TRIM45: variants seen among roughly 807,000 people sequenced by gnomAD.
TRIM45 encodes the protein E3 ubiquitin-protein ligase TRIM45.
A neutral mutation model predicts 46.7 loss-of-function variants in TRIM45; 45 were observed. The observed-to-expected ratio is 0.96, with a 90% CI of 0.76 to 1.24. TRIM45 has a LOEUF of 1.24. Among genes scored for constraint, TRIM45 ranks in the 50% most tolerant of loss-of-function variants. TRIM45 has a pLI of 0.00. For synonymous variants in TRIM45, 259 were observed against 285.8 expected (o/e 0.91, Z 0.94); for missense variants, 680 against 728.4 (o/e 0.93, Z 0.77).
upstream of TRIM45, chr1:117,121,769 A>G: frequency 1.4e-6 from 1 of 702,378 alleles, no homozygotes; most frequent in South Asian, 1.5e-5. The surrounding 1 kb of genome is among the most constrained non-coding windows in gnomAD (Gnocchi z 4.2). Context: ...CACCAATCCC[A>G]GCCCGGTCTA....
Position 117,118,355 on chromosome 1 carries a change from C to A in TRIM45, c.901G>T (p.Asp301Tyr), listed in dbSNP as rs1302722419. 2 of 1,614,216 alleles carry A rather than the reference C, an allele frequency of 1.2e-6. No individual in the cohort carries two copies. The highest frequency in any genetic ancestry group is 8.5e-7 in the Non-Finnish European group (1 of 1,180,038). The change falls in exon 2 of 6, where the codon GAC becomes TAC. Residue 301 changes from aspartate to tyrosine, a missense_variant. Coordinates refer to ENST00000256649, the MANE Select transcript of TRIM45 (RefSeq NM_025188.4). The surrounding 1 kb of genome is among the most constrained non-coding windows in gnomAD (Gnocchi z 5.7). ...HRDKLLKQLE[D>Y]IRAQKENSLQ... Reference sequence around the variant, plus strand: ...GAATTTTCCTTCTGGGCCCGTATGTCTTCCAGCTGCTTCAGCAGCTTGTCC... The same window carrying A: ...GAATTTTCCTTCTGGGCCCGTATGTATTCCAGCTGCTTCAGCAGCTTGTCC...
At position 117,112,376 on chromosome 1, in the gene TRIM45, C is replaced by T; in HGVS notation, c.1672G>A (p.Glu558Lys). 2 of 1,614,144 alleles carry T rather than the reference C, an allele frequency of 1.2e-6. No individual in the cohort carries two copies. Among genetic ancestry groups the T allele is most frequent in the African/African-American group, 1.3e-5 (1 of 75,044 alleles). ...PHWSCCGKFN[E>K]KSECTWTGGQ... ...CCTGTCCATGTGCATTCAGATTTCTCATTAAATTTTCCACAGCATGACCAG... is the reference window on the plus strand; with the variant it reads ...CCTGTCCATGTGCATTCAGATTTCTTATTAAATTTTCCACAGCATGACCAG... The change falls in exon 6 of 6, where the codon GAG (glutamate) becomes AAG (lysine). Residue 558 changes from glutamate (E) to lysine (K), a missense_variant. By Grantham distance (56) the Glu-to-Lys change is moderately conservative. Transcript: ENST00000256649.
rs763829749 is a variant in TRIM45, at chr1:117,121,006, C to G, written c.196G>C (p.Gly66Arg). ...LEPFSVVDIR[G>R]GDSDTSSEGS... ...TCAGAGCTTGTGTCAGAGTCTCCCC[C>G]TCGGATGTCCACTACTGAGAAGGGC... is the stretch of plus-strand genomic sequence containing the variant. Residue 66 changes from glycine (G) to arginine (R), a missense_variant, in exon 1 of 6, where the codon GGG (glycine) becomes CGG (arginine). Gly to Arg is a moderately radical substitution (Grantham distance 125). Coordinates refer to ENST00000256649, the MANE Select transcript of TRIM45 (RefSeq NM_025188.4). This position sits in a 1 kb window ranked among gnomAD's most constrained non-coding sequence, Gnocchi z 4.2. The G allele has an allele frequency of 8.7e-6, 14 of 1,614,052 alleles. No homozygotes were observed. The highest frequency in any genetic ancestry group is 2.7e-5 in the African/African-American group (2 of 74,908).
rs1570910769 is a variant in TRIM45 at position 117,113,290 on chromosome 1, T to C, written c.1594+69A>G. 1.3e-6 allele frequency: 2 copies of C among 1,581,882 alleles called. No individual in the cohort carries two copies. Among genetic ancestry groups the C allele is most frequent in the South Asian group, 1.2e-5 (1 of 86,508 alleles). Reference sequence around the variant, plus strand: ...GTCCAAATGTCTAGTGGCTGTGTGGTAGGGAAGGGCCCGTCGCTTGATTCC... The same window carrying C: ...GTCCAAATGTCTAGTGGCTGTGTGGCAGGGAAGGGCCCGTCGCTTGATTCC... On this transcript the variant is annotated intron_variant, in intron 5 of 5. Coordinates refer to ENST00000256649, the MANE Select transcript of TRIM45 (RefSeq NM_025188.4). The surrounding 1 kb of genome is among the most constrained non-coding windows in gnomAD (Gnocchi z 4.0).
In TRIM45 at chr1:117,116,766, G is replaced by C; in HGVS notation, c.1223-21C>G. 1 of 1,613,694 alleles carries C rather than the reference G, an allele frequency of 6.2e-7. No individual in the cohort carries two copies. Among genetic ancestry groups the C allele is most frequent in the Non-Finnish European group, 8.5e-7 (1 of 1,179,742 alleles). On this transcript the variant is annotated intron_variant, in intron 2 of 5. Transcript: ENST00000256649. The surrounding 1 kb of genome is among the most constrained non-coding windows in gnomAD (Gnocchi z 4.6). ...GAGGTCTGAAAAAGATAAACACTCG[G>C]TCCTCACCTCGAATGTAAACTGCAG...
At chr1:117,123,044 A>G (rs1650721737), upstream of TRIM45, among the ~76,000 whole-genome samples, 1 of 30,384 alleles carries the variant, frequency 3.3e-5, no homozygotes, top group Admixed American at 5.8e-4. Context: ...AAAATATGAA[A>G]AAAAAAAAAA....
Position 117,121,251 on chromosome 1 carries a change from G to A in TRIM45, c.-50C>T. 1 of 1,500,396 alleles carries A rather than the reference G, an allele frequency of 6.7e-7. No individual in the cohort carries two copies. The highest frequency in any genetic ancestry group is 2.3e-5 in the Admixed American group (1 of 44,106). The allele number at this position is 1,500,396 out of a possible 1,614,324, so 92.9% of individuals were successfully genotyped here. ...TAGAAAGGGCCCTGGGCAGTTCTAC[G>A]ATTTAGTAGCAGGTGATTAAGCCCA... On this transcript the variant is annotated 5_prime_UTR_variant, in exon 1 of 6. Coordinates refer to ENST00000256649, the MANE Select transcript of TRIM45 (RefSeq NM_025188.4). The surrounding 1 kb of genome is among the most constrained non-coding windows in gnomAD (Gnocchi z 4.2).
Position 117,120,924 on chromosome 1 carries a change from A to C in TRIM45, c.278T>G (p.Leu93Arg). The change falls in exon 1 of 6, where the codon CTT becomes CGT. Residue 93 changes from leucine (L) to arginine (R), a missense_variant. Leu to Arg is a moderately radical substitution (Grantham distance 102). Coordinates refer to ENST00000256649, the MANE Select transcript of TRIM45 (RefSeq NM_025188.4). ...CACCTGAGCATCACATACAGGACAA[A>C]GGATGCCGATCTGCGACTGCAGACT... is the stretch of plus-strand genomic sequence containing the variant. The part of the protein sequence containing the change: ...PRSLQSQIGI[L>R]CPVCDAQVDL... 1 of 1,614,178 alleles carries C rather than the reference A, an allele frequency of 6.2e-7. No homozygotes were observed. Among genetic ancestry groups the C allele is most frequent in the Non-Finnish European group, 8.5e-7 (1 of 1,180,036 alleles).
Position 117,112,294 on chromosome 1 carries a change from G to C in TRIM45, c.*11C>G. 2.5e-6 allele frequency: 4 copies of C among 1,581,612 alleles called. No individual in the cohort carries two copies. The highest frequency in any genetic ancestry group is 3.4e-6 in the Non-Finnish European group (4 of 1,163,414). On this transcript the variant is annotated 3_prime_UTR_variant, in exon 6 of 6. Coordinates refer to ENST00000256649, the MANE Select transcript of TRIM45 (RefSeq NM_025188.4). ...GCTGCCTGCAGCTTTAAAAGGCTGA[G>C]CACAAACCCATCAGAGAGCCACAGT...
Position 117,118,481 on chromosome 1 carries a change from T to A in TRIM45, c.775A>T (p.Ile259Phe). The A allele has an allele frequency of 6.2e-7, 1 of 1,614,118 alleles. No homozygotes were observed. ...TGGAGGGCACTGTTTATTATGTGGA[T>A]CTGAGCCAGGGCTTCCTCCAGGGCC... Reference protein sequence around the residue: ...VEALEEALAQIHIINSALQKR... With the variant: ...VEALEEALAQFHIINSALQKR... Residue 259 changes from isoleucine to phenylalanine, a missense_variant, in exon 2 of 6, where the codon ATC (isoleucine) becomes TTC (phenylalanine). By Grantham distance (21) the Ile-to-Phe change is conservative. Around this residue, in one of 3 missense-constraint regions of TRIM45, gnomAD observed 349 missense variants for 343.6 expected, o/e 1.02. Coordinates refer to ENST00000256649, the MANE Select transcript of TRIM45 (RefSeq NM_025188.4). This position sits in a 1 kb window ranked among gnomAD's most constrained non-coding sequence, Gnocchi z 5.7.
chr1:117,121,872 G>C (rs991258796), upstream of TRIM45: 2 of 714,582 alleles, frequency 2.8e-6, no homozygotes, highest in Non-Finnish European at 5.2e-6. This position sits in a 1 kb window ranked among gnomAD's most constrained non-coding sequence, Gnocchi z 4.2. Flanking sequence ...CATCCAATAA[G>C]TTTTGGAAAT....
upstream of TRIM45, among the ~76,000 whole-genome samples, chr1:117,123,397 TGTG>T (rs770928514): frequency 6.6e-6 from 1 of 152,226 alleles, no homozygotes. Flanking sequence ...TCACATTTCT[TGTG>T]GTAGTAGTTT....
At position 117,112,226 on chromosome 1, in the gene TRIM45, T is replaced by C; in HGVS notation, c.*79A>G. 1 of 1,382,850 alleles carries C rather than the reference T, an allele frequency of 7.2e-7. No homozygotes were observed. Among genetic ancestry groups the C allele is most frequent in the African/African-American group, 1.5e-5 (1 of 68,204 alleles). 85.7% of individuals were successfully genotyped at this position (1,382,850 alleles called of 1,614,324 possible). On this transcript the variant is annotated 3_prime_UTR_variant, in exon 6 of 6. Transcript: ENST00000256649. ...TTGTTTTTAATTCTATCAGTCTCTT[T>C]AGAATGAACGAAGGTCTGGGTCCTC...
intron 1 of TRIM45, among the ~76,000 whole-genome samples, 154 bp downstream of exon 1, chr1:117,120,555 GTTGTA>G (rs1334936824): frequency 6.6e-6 from 1 of 152,210 alleles, no homozygotes; most frequent in Non-Finnish European, 1.5e-5. Context: ...CGGGTTAACT[GTTGTA>G]CTGGAGTATT....
chr1:117,123,086 T>C (rs1239197645), upstream of TRIM45, among the ~76,000 whole-genome samples: 1 of 151,942 alleles, frequency 6.6e-6, no homozygotes, highest in Non-Finnish European at 1.5e-5. Flanking sequence ...ATGAAATGTT[T>C]GGCCATTTCC....
chr1:117,119,780 T>C (rs76838034), intron 1 of TRIM45, among the ~76,000 whole-genome samples: 4,470 of 152,312 alleles, frequency 0.029, 109 homozygotes, highest in East Asian at 0.1. Context: ...GAAGCTTATA[T>C]GCCTATTCTG....
rs1650480153 is a variant in TRIM45 at position 117,118,278 on chromosome 1, A to G, written c.978T>C (p.Thr326=). 6.2e-7 allele frequency: 1 copy of G among 1,614,042 alleles called. No individual in the cohort carries two copies. The highest frequency in any genetic ancestry group is 1.3e-5 in the African/African-American group (1 of 74,920). The change falls in exon 2 of 6, where the codon ACT becomes ACC. Residue 326 remains threonine, a synonymous_variant. Coordinates refer to ENST00000256649, the MANE Select transcript of TRIM45 (RefSeq NM_025188.4). This position sits in a 1 kb window ranked among gnomAD's most constrained non-coding sequence, Gnocchi z 5.7. The part of the protein sequence containing the change: ...QLEQLLADMR[T]GVEFTEHLLT... The stretch of plus-strand genomic sequence containing the variant: ...GCAAGTGCTCGGTGAACTCCACTCC[A>G]GTCCGCATGTCTGCCAGTAACTGTT...
upstream of TRIM45, among the ~76,000 whole-genome samples, chr1:117,122,887 CT>C (rs528460407): frequency 1.4e-4 from 22 of 152,228 alleles, no homozygotes; most frequent in South Asian, 3.3e-3. Context: ...GCCCTCACTG[CT>C]TTCTTTGTTC....
In TRIM45 at chr1:117,117,884, T is replaced by TG; in HGVS notation, c.1222+149dup. ...CAGAACAAACCAGAAAGGGCAAAGG[T>TG]GGGGGTCACTGTCTTTCAGATCAGT... On this transcript the variant is annotated intron_variant, in intron 2 of 5. Coordinates refer to ENST00000256649, the MANE Select transcript of TRIM45 (RefSeq NM_025188.4). This position sits in a 1 kb window ranked among gnomAD's most constrained non-coding sequence, Gnocchi z 4.9. The TG allele has an allele frequency of 9.8e-7, 1 of 1,022,918 alleles. No individual in the cohort carries two copies. The highest frequency in any genetic ancestry group is 1.4e-6 in the Non-Finnish European group (1 of 701,346). The allele number at this position is 1,022,918 out of a possible 1,614,324, so 63.4% of individuals were successfully genotyped here. A position where few individuals can be genotyped will look rare whatever the true frequency, so the allele number is the denominator to read the frequency against.
Sources: allele counts gnomAD v4.1 joint callset (sites outside exome capture counted in the v4.1 genomes callset), GRCh38; gene constraint gnomAD v4.1.1; regional missense constraint gnomAD v4.1.1; non-coding constraint Gnocchi (gnomAD v3.1); transcripts MANE v1.5; gene names NCBI Gene and HGNC (gene_info 2026-07-23, HGNC 2026-07-21).